The following EFHD1 variants were observed in gnomAD, a reference collection of about 807,000 sequenced individuals.
The protein encoded by EFHD1 is EF-hand domain family member D1, also known as EF-hand domain-containing protein D1.
A neutral mutation model predicts 17.2 loss-of-function variants in EFHD1; 10 were observed. The ratio of observed to expected loss-of-function variants is 0.58; its 90% CI spans 0.36 to 0.99. The LOEUF is 0.99. Among genes scored for constraint, EFHD1 ranks in the 50% least tolerant of loss-of-function variants. EFHD1 has a pLI of 0.01. For missense variants in EFHD1, 310 were observed against 327.5 expected (o/e 0.95, Z 0.41); for synonymous variants, 153 against 142.0 (o/e 1.08, Z -0.55).
intron 1 of EFHD1, chr2:232,649,807 G>C (rs533435979): frequency 1.3e-5 from 2 of 152,352 alleles, no homozygotes; most frequent in South Asian, 4.1e-4. Context: ...TGGAACCAGA[G>C]TCTCCCCCTA....
At chr2:232,675,131 G>A (rs1439084967) in intron 3 of EFHD1, among the ~76,000 whole-genome samples, 2 of 149,504 alleles carry the variant, frequency 1.3e-5, no homozygotes, top group Admixed American at 6.7e-5. Flanking sequence ...AGCCGAGATC[G>A]TGTCACTGCA....
chr2:232,675,307 A>T (rs2106219027), intron 3 of EFHD1, among the ~76,000 whole-genome samples: 1 of 152,316 alleles, frequency 6.6e-6, no homozygotes, highest in South Asian at 2.1e-4. Flanking sequence ...CTGGGCCAGC[A>T]CTTGCCACCC....
intron 1 of EFHD1, among the ~76,000 whole-genome samples, chr2:232,634,392 C>T (rs1306914891): frequency 6.6e-6 from 1 of 152,244 alleles, no homozygotes. Context: ...TGTATCCCCC[C>T]AAGGGAAAAA....
At chr2:232,680,657 C>A (rs1481985059) in intron 3 of EFHD1, among the ~76,000 whole-genome samples, 1 of 152,010 alleles carries the variant, frequency 6.6e-6, no homozygotes, top group Non-Finnish European at 1.5e-5. Context: ...TAAAGGCACA[C>A]GTCACCATAC....
At chr2:232,675,187 A>AAAAAAG (rs34795309) in intron 3 of EFHD1, among the ~76,000 whole-genome samples, 2 of 146,878 alleles carry the variant, frequency 1.4e-5, no homozygotes, top group Non-Finnish European at 1.5e-5. Flanking sequence ...AAAGAAAAAA[A>AAAAAAG]AGAGAGAGAG....
At chr2:232,672,945 A>G (rs373855067) in intron 3 of EFHD1, among the ~76,000 whole-genome samples, 1 of 152,066 alleles carries the variant, frequency 6.6e-6, no homozygotes, top group Non-Finnish European at 1.5e-5. Context: ...TCTCTCTGCC[A>G]TGCTGAAAGC....
chr2:232,660,497 G>T (rs115796582), intron 1 of EFHD1, among the ~76,000 whole-genome samples: 1 of 151,858 alleles, frequency 6.6e-6, no homozygotes, highest in Admixed American at 6.6e-5. Flanking sequence ...ACTGCGCCAG[G>T]CCTCTTTATT....
chr2:232,611,348 C>A (rs1693813818), intron 1 of EFHD1: 1 of 152,226 alleles, frequency 6.6e-6, no homozygotes, highest in Admixed American at 6.6e-5. Context: ...CCTCCTGAGT[C>A]TCTCTGAAGC....
intron 1 of EFHD1, among the ~76,000 whole-genome samples, chr2:232,634,684 T>G (rs1694282379): frequency 6.6e-6 from 1 of 152,128 alleles, no homozygotes; most frequent in African/African-American, 2.4e-5. Flanking sequence ...GCCGCTCACC[T>G]GGGGAGACAC....
intron 1 of EFHD1, among the ~76,000 whole-genome samples, chr2:232,607,343 TG>T (rs956777640): frequency 2.0e-5 from 3 of 151,044 alleles, no homozygotes; most frequent in East Asian, 3.9e-4. Flanking sequence ...CTCAGCACTT[TG>T]GGGGGCCGAG....
intron 1 of EFHD1, among the ~76,000 whole-genome samples, chr2:232,652,044 G>A (rs1482855803): frequency 6.6e-6 from 1 of 152,112 alleles, no homozygotes; most frequent in Admixed American, 6.6e-5. Context: ...ACCTTGGTGG[G>A]CCTGTTTCTC....
chr2:232,659,893 C>T lies in EFHD1; in HGVS notation c.303-2909C>T, dbSNP rs979609946. On this transcript the variant is annotated intron_variant, in intron 1 of 3. Coordinates refer to ENST00000264059, the MANE Select transcript of EFHD1 (RefSeq NM_025202.4). The stretch of plus-strand genomic sequence containing the variant: ...AAGGGGGAGCAGTACTTCACATGGC[C>T]GGAACAGGAGCAAGACAGAGCAAGC... Among the ~76,000 whole-genome samples, 9 of 152,252 alleles carry T rather than the reference C, an allele frequency of 5.9e-5. No homozygotes were observed. In the East Asian group the frequency reaches 1.5e-3, roughly 26 times the overall value.
At chr2:232,627,010 T>G (rs1694111884) in intron 1 of EFHD1, among the ~76,000 whole-genome samples, 1 of 100,444 alleles carries the variant, frequency 1.0e-5, no homozygotes, top group Non-Finnish European at 2.2e-5. Context: ...CATAGTGAGA[T>G]CCTGTCTCTC....
chr2:232,655,224 T>TTTTAA, intron 1 of EFHD1, among the ~76,000 whole-genome samples: 1 of 152,148 alleles, frequency 6.6e-6, no homozygotes, highest in African/African-American at 2.4e-5. Context: ...CTCACTGTGT[T>TTTTAA]GCCCAGGCTG....
At chr2:232,620,879 G>A (rs914166464) in intron 1 of EFHD1, among the ~76,000 whole-genome samples, 21 of 152,102 alleles carry the variant, frequency 1.4e-4, no homozygotes, top group South Asian at 1.2e-3. Context: ...AAAGGCTGAG[G>A]AACTGGGTTC....
chr2:232,616,524 C>T (rs1458371060), intron 1 of EFHD1, among the ~76,000 whole-genome samples: 1 of 152,122 alleles, frequency 6.6e-6, no homozygotes. Context: ...GTCTTGAACT[C>T]CTGACCTCAG....
At chr2:232,677,207 T>TACACACACAC (rs61607311) in intron 3 of EFHD1, among the ~76,000 whole-genome samples, 2,100 of 131,294 alleles carry the variant, frequency 0.016, 58 homozygotes, top group African/African-American at 0.06. Context: ...ACCCCATCTC[T>TACACACACAC]ACACACACAC....
rs1480865243 is a variant in EFHD1 at position 232,678,148 on chromosome 2, T to C, written c.586-3437T>C. Among the ~76,000 whole-genome samples, 10 of 151,930 alleles carry C rather than the reference T, an allele frequency of 6.6e-5. 1 individual carries two copies. In the South Asian group the frequency reaches 2.1e-3, roughly 32 times the overall value. On this transcript the variant is annotated intron_variant, in intron 3 of 3. Coordinates refer to ENST00000264059, the MANE Select transcript of EFHD1 (RefSeq NM_025202.4). ...AAAAACAAAAATTAGCTGGGCGTGGTGGCGTGTACCTGTCATCCCAGCTAC... is the reference window on the plus strand; with the variant it reads ...AAAAACAAAAATTAGCTGGGCGTGGCGGCGTGTACCTGTCATCCCAGCTAC...
At chr2:232,666,730 A>G (rs2106213784) in intron 2 of EFHD1, among the ~76,000 whole-genome samples, 1 of 152,316 alleles carries the variant, frequency 6.6e-6, no homozygotes, top group Non-Finnish European at 1.5e-5. Flanking sequence ...TGTCAGTTCC[A>G]AGCCCAGTCC....
Sources: gnomAD v4.1 joint callset for allele counts (sites outside exome capture counted in the v4.1 genomes callset) on GRCh38, gnomAD v4.1.1 for gene constraint, MANE v1.5 for transcripts, NCBI Gene and HGNC (gene_info 2026-07-23, HGNC 2026-07-21) for gene names.